The following DYNC2H1 variants were observed in gnomAD, a reference collection of about 807,000 sequenced individuals.
DYNC2H1 encodes dynein cytoplasmic 2 heavy chain 1, also known as cytoplasmic dynein 2 heavy chain 1.
In DYNC2H1, 410 loss-of-function variants were observed where a neutral mutation model predicts 570.0. That is an observed-to-expected ratio of 0.72 (90% CI 0.66 to 0.78). DYNC2H1 has a LOEUF of 0.78. Among genes scored for constraint, DYNC2H1 ranks in the 30% least tolerant of loss-of-function variants. DYNC2H1 has a pLI of 0.00. For synonymous variants in DYNC2H1, 1,688 were observed against 1,677.6 expected (o/e 1.01, Z -0.15); for missense variants, 4,865 against 5,046.4 (o/e 0.96, Z 1.09).
In DYNC2H1 at chr11:103,209,774, G is replaced by C; in HGVS notation, c.8455-102G>C. ...GTCTCTTAGTCTGGAATGAATCCTA[G>C]AAGAAAAGTACAATCAATACTGACT... On this transcript the variant is annotated intron_variant, in intron 52 of 88. Transcript: ENST00000375735. This position sits in a 1 kb window ranked among gnomAD's most constrained non-coding sequence, Gnocchi z 4.2. 1 of 873,600 alleles carries C rather than the reference G, an allele frequency of 1.1e-6. No homozygotes were observed. The highest frequency in any genetic ancestry group is 1.5e-6 in the Non-Finnish European group (1 of 646,332). The allele number at this position is 873,600 out of a possible 1,614,324, so 54.1% of individuals were successfully genotyped here.
At chr11:103,119,209 A>C (rs1858570311) in intron 6 of DYNC2H1, among the ~76,000 whole-genome samples, 1 of 152,080 alleles carries the variant, frequency 6.6e-6, no homozygotes, top group African/African-American at 2.4e-5. Context: ...TGAACCCATA[A>C]ATTTTTGTAT....
rs1162208060 is a variant in DYNC2H1 at position 103,153,386 on chromosome 11, A to G, written c.3180A>G (p.Gln1060=). Residue 1060 remains glutamine, a synonymous_variant, in exon 22 of 89, where the codon CAA becomes CAG. Transcript: ENST00000375735. The part of the protein sequence containing the change: ...ELEKFKARWD[Q]LKPGDDVIET... ...AAAAATTTAAAGCTCGTTGGGACCA[A>G]CTAAAGCCTGGTGATGATGTTATTG... The G allele has an allele frequency of 1.9e-6, 3 of 1,553,688 alleles. No homozygotes were observed. Among genetic ancestry groups the G allele is most frequent in the Admixed American group, 2.0e-5 (1 of 51,204 alleles).
intron 84 of DYNC2H1, among the ~76,000 whole-genome samples, chr11:103,413,231 C>T (rs191219189): frequency 2.4e-4 from 36 of 152,248 alleles, no homozygotes; most frequent in Non-Finnish European, 3.4e-4. Context: ...GACTGGGGAC[C>T]TTATTTTTTG....
chr11:103,362,762 G>T (rs1181026464), intron 83 of DYNC2H1, among the ~76,000 whole-genome samples: 1 of 152,144 alleles, frequency 6.6e-6, no homozygotes, highest in East Asian at 1.9e-4. Flanking sequence ...GGGCGCAGTG[G>T]CTCACGCCTG....
rs547898205 is a variant in DYNC2H1, at chr11:103,293,225, A to G, written c.11095+5620A>G. On this transcript the variant is annotated intron_variant, in intron 75 of 88. Coordinates refer to ENST00000375735, the MANE Select transcript of DYNC2H1 (RefSeq NM_001377.3). ...TTGGAAGCTTTTTTTTGCCTTTAGC[A>G]CTCTGGATATGTCATCCCCCTCCCT... is the stretch of plus-strand genomic sequence containing the variant. Among the ~76,000 whole-genome samples the G allele has an allele frequency of 3.9e-5, 6 of 151,982 alleles. No individual in the cohort carries two copies. In the South Asian group the frequency reaches 1.2e-3, roughly 32 times the overall value.
At position 103,243,550 on chromosome 11, in the gene DYNC2H1, T is replaced by C; in HGVS notation, c.9820-143T>C. 1.5e-6 allele frequency: 1 copy of C among 672,144 alleles called. No individual in the cohort carries two copies. Among genetic ancestry groups the C allele is most frequent in the East Asian group, 2.9e-5 (1 of 34,044 alleles). 41.6% of individuals were successfully genotyped at this position (672,144 alleles called of 1,614,324 possible). On this transcript the variant is annotated intron_variant, in intron 63 of 88. Coordinates refer to ENST00000375735, the MANE Select transcript of DYNC2H1 (RefSeq NM_001377.3). The surrounding 1 kb of genome is among the most constrained non-coding windows in gnomAD (Gnocchi z 4.8). ...CTAAAAACTGTATTTTTGTTTCTTT[T>C]TCATGGTTGTATATTTGTGTTCTCC...
rs191771520 is a variant in DYNC2H1, at chr11:103,363,177, C to T, written c.12156+4818C>T. 2.2e-3 allele frequency among the ~76,000 whole-genome samples: 337 copies of T among 152,152 alleles called. 1 individual carries two copies. The highest frequency in any genetic ancestry group is 5.8e-3 in the South Asian group (28 of 4,822). On this transcript the variant is annotated intron_variant, in intron 83 of 88. Transcript: ENST00000375735. This position sits in a 1 kb window ranked among gnomAD's most constrained non-coding sequence, Gnocchi z 5.6. ...AATACTACAGTTCCAAGAAACTTTT[C>T]CAACCTGTTTTTCTTAACACATCAG...
chr11:103,241,532 T>C lies in DYNC2H1; in HGVS notation c.9820-2161T>C. 6.3e-7 allele frequency: 1 copy of C among 1,592,150 alleles called. No homozygotes were observed. The highest frequency in any genetic ancestry group is 8.6e-7 in the Non-Finnish European group (1 of 1,163,902). On this transcript the variant is annotated intron_variant, in intron 63 of 88. Transcript: ENST00000375735. The surrounding 1 kb of genome is among the most constrained non-coding windows in gnomAD (Gnocchi z 5.1). ...TTTTCATTTAACTGCATCAGATCAT[T>C]GGTTTGAAATCATGGGTAAGAACTT...
At chr11:103,459,035 C>T (rs1056510168) in intron 87 of DYNC2H1, among the ~76,000 whole-genome samples, 5 of 151,716 alleles carry the variant, frequency 3.3e-5, no homozygotes, top group Admixed American at 1.3e-4. Context: ...CCAGGCCGGG[C>T]GCGGTGGCTC....
intron 19 of DYNC2H1, 148 bp downstream of exon 19, chr11:103,148,035 TAGGAGGTCTAATGA>T: frequency 1.7e-6 from 1 of 605,972 alleles, no homozygotes; most frequent in Non-Finnish European, 2.8e-6. Context: ...ATTCAATCAT[TAGGAGGTCTAATGA>T]AGACATCTTT....
rs773156641 is a variant in DYNC2H1, at chr11:103,177,522, T to C, written c.5875-34T>C. ...CAGAACTAAGTATGATTGAATATTA[T>C]AAATCATATATGAACATATTTCTTT... On this transcript the variant is annotated intron_variant, in intron 37 of 88. Coordinates refer to ENST00000375735, the MANE Select transcript of DYNC2H1 (RefSeq NM_001377.3). The surrounding 1 kb of genome is among the most constrained non-coding windows in gnomAD (Gnocchi z 4.4). 6.4e-7 allele frequency: 1 copy of C among 1,572,388 alleles called. No individual in the cohort carries two copies. Among genetic ancestry groups the C allele is most frequent in the Non-Finnish European group, 8.6e-7 (1 of 1,164,060 alleles).
Position 103,326,618 on chromosome 11 carries a change from G to C in DYNC2H1, c.12039+2628G>C, listed in dbSNP as rs1413068741. Among the ~76,000 whole-genome samples the C allele has an allele frequency of 6.6e-6, 1 of 152,222 alleles. No individual in the cohort carries two copies. Among genetic ancestry groups the C allele is most frequent in the Non-Finnish European group, 1.5e-5 (1 of 68,040 alleles). ...AGACTCTGGCAGCACTGGGGGATCT[G>C]AAGTGCCCCTAGGTTACTTGGAAAA... On this transcript the variant is annotated intron_variant, in intron 82 of 88. Transcript: ENST00000375735. This position sits in a 1 kb window ranked among gnomAD's most constrained non-coding sequence, Gnocchi z 6.1.
Position 103,326,519 on chromosome 11 carries a change from G to A in DYNC2H1, c.12039+2529G>A, listed in dbSNP as rs531971012. The stretch of plus-strand genomic sequence containing the variant: ...CTTCTCCCCAGCTCCAGTGTTGGCC[G>A]CAGATCTGGGCTCGGTACTCCTGAG... On this transcript the variant is annotated intron_variant, in intron 82 of 88. Transcript: ENST00000375735. This position sits in a 1 kb window ranked among gnomAD's most constrained non-coding sequence, Gnocchi z 6.1. Among the ~76,000 whole-genome samples, 2 of 152,292 alleles carry A rather than the reference G, an allele frequency of 1.3e-5. No homozygotes were observed. The highest frequency in any genetic ancestry group is 2.1e-4 in the South Asian group (1 of 4,824).
chr11:103,278,240 T>C (rs1393270443), intron 70 of DYNC2H1, among the ~76,000 whole-genome samples: 2 of 152,156 alleles, frequency 1.3e-5, no homozygotes, highest in African/African-American at 4.8e-5. Flanking sequence ...TTGTGTTCCA[T>C]AGACAAAAAG....
intron 47 of DYNC2H1, among the ~76,000 whole-genome samples, chr11:103,196,610 C>T (rs1276836969): frequency 2.6e-5 from 4 of 151,830 alleles, no homozygotes; most frequent in Non-Finnish European, 5.9e-5. Context: ...TTAAATGATT[C>T]GGGGAGAATT....
chr11:103,187,495 A>G lies in DYNC2H1; in HGVS notation c.7049A>G (p.Asp2350Gly), dbSNP rs1862121300. 1 of 1,613,362 alleles carries G rather than the reference A, an allele frequency of 6.2e-7. No homozygotes were observed. The highest frequency in any genetic ancestry group is 8.5e-7 in the Non-Finnish European group (1 of 1,179,492). The change falls in exon 43 of 89, where the codon GAC becomes GGC. Residue 2350 changes from aspartate (D) to glycine (G), a missense_variant. Physicochemically the swap from Asp to Gly is moderately conservative, Grantham distance 94 (BLOSUM62 -1). This residue lies in a region of DYNC2H1 where 2,401 missense variants were observed against 2,454.6 expected (regional missense o/e 0.98). Coordinates refer to ENST00000375735, the MANE Select transcript of DYNC2H1 (RefSeq NM_001377.3). ...TNTGRVYRPK[D>G]CERLVLYLKD... Reference sequence around the variant, plus strand: ...ACTGGTCGTGTATACAGACCAAAAGACTGTGAAAGACTTGTTCTGTACTTA... The same window carrying G: ...ACTGGTCGTGTATACAGACCAAAAGGCTGTGAAAGACTTGTTCTGTACTTA...
Position 103,214,206 on chromosome 11 carries a change from G to A in DYNC2H1, c.8695-1515G>A, listed in dbSNP as rs183062485. 1.9e-3 allele frequency among the ~76,000 whole-genome samples: 292 copies of A among 152,200 alleles called. 1 individual carries two copies. The highest frequency in any genetic ancestry group is 3.0e-3 in the Non-Finnish European group (203 of 68,006). On this transcript the variant is annotated intron_variant, in intron 54 of 88. Transcript: ENST00000375735. Reference sequence around the variant, plus strand: ...GTCTGTTTTATACAAATACTGTGCCGTTTTGGTTACTGTAGCTTTGTAGTA... The same window carrying A: ...GTCTGTTTTATACAAATACTGTGCCATTTTGGTTACTGTAGCTTTGTAGTA...
At chr11:103,258,697 A>C (rs1395695863) in intron 69 of DYNC2H1, among the ~76,000 whole-genome samples, 1 of 152,236 alleles carries the variant, frequency 6.6e-6, no homozygotes, top group Non-Finnish European at 1.5e-5. Flanking sequence ...TATGTGTTTC[A>C]GTGAATAAGG....
At chr11:103,417,469 G>A (rs1365472407) in intron 84 of DYNC2H1, among the ~76,000 whole-genome samples, 1 of 152,134 alleles carries the variant, frequency 6.6e-6, no homozygotes, top group Non-Finnish European at 1.5e-5. Flanking sequence ...TTTGCTTCAT[G>A]CACATAATCA....
Sources: gnomAD v4.1 joint callset for allele counts (sites outside exome capture counted in the v4.1 genomes callset) on GRCh38, gnomAD v4.1.1 for gene constraint, gnomAD v4.1.1 regional missense constraint, Gnocchi (gnomAD v3.1) non-coding constraint, MANE v1.5 for transcripts, NCBI Gene and HGNC (gene_info 2026-07-23, HGNC 2026-07-21) for gene names.